Variants in VSTM1 observed in about 807,000 individuals in gnomAD.
VSTM1 encodes the protein V-set and transmembrane domain-containing protein 1.
VSTM1 carries 27 observed loss-of-function variants against 33.1 expected under a neutral mutation model. The ratio of observed to expected loss-of-function variants is 0.82; its 90% CI spans 0.60 to 1.12. The LOEUF is 1.12. VSTM1 is among the 50% of genes most tolerant of loss of function. The pLI is 0.00. For missense variants in VSTM1, 304 were observed against 288.9 expected (o/e 1.05, Z -0.38); for synonymous variants, 115 against 110.3 (o/e 1.04, Z -0.27).
At chr19:54,049,702 G>T (rs1366735291) in intron 4 of VSTM1, among the ~76,000 whole-genome samples, 1 of 152,044 alleles carries the variant, frequency 6.6e-6, no homozygotes, top group African/African-American at 2.4e-5. Context: ...TAGTGCTAGG[G>T]TAGCAGACAT....
intron 3 of VSTM1, among the ~76,000 whole-genome samples, chr19:54,057,793 A>G (rs1375235023): frequency 2.1e-5 from 3 of 145,366 alleles, no homozygotes; most frequent in African/African-American, 7.6e-5. Context: ...TGGGCAACAG[A>G]GCAAGACTCC....
rs796795588 is a variant in VSTM1 at position 54,056,222 on chromosome 19, T to C, written c.355+2084A>G. ...TTCTTTTCTTTTCTTTTCTTTTTTT[T>C]TTTTTTTTTTTTTTTTTGAGACAGG... On this transcript the variant is annotated intron_variant, in intron 3 of 8. Transcript: ENST00000338372. Among the ~76,000 whole-genome samples the C allele has an allele frequency of 7.0e-4, 49 of 69,808 alleles. 6 individuals carry two copies. The highest frequency in any genetic ancestry group is 1.9e-3 in the African/African-American group (44 of 23,004). The allele number at this position is 69,808 out of a possible 152,430, so 45.8% of individuals were successfully genotyped here. A position where few individuals can be genotyped will look rare whatever the true frequency, so the allele number is the denominator to read the frequency against.
chr19:54,060,464 C>G (rs1265586506), intron 1 of VSTM1, among the ~76,000 whole-genome samples: 1 of 152,086 alleles, frequency 6.6e-6, no homozygotes, highest in African/African-American at 2.4e-5. Flanking sequence ...CAGAACGTGA[C>G]CCCCCACCAA....
chr19:54,053,920 G>C (rs1276304263), intron 3 of VSTM1, among the ~76,000 whole-genome samples: 2 of 141,786 alleles, frequency 1.4e-5, no homozygotes, highest in Non-Finnish European at 3.1e-5. Context: ...CCAGAGACCT[G>C]GTCTGTCTCA....
chr19:54,047,765 A>G (rs2070666271), intron 4 of VSTM1, among the ~76,000 whole-genome samples: 3 of 152,210 alleles, frequency 2.0e-5, no homozygotes, highest in Admixed American at 2.0e-4. Flanking sequence ...TTCACTAGAA[A>G]TGAGAAGTAC....
chr19:54,058,340 T>C lies in VSTM1; in HGVS notation c.321A>G (p.Ser107=), dbSNP rs763855863. ...AYKTTASHEW[S]ESSEHLQLVV... ...CCAGCTGCAAGTGTTCACTGCTTTC[T>C]GACCACTCATGGGAGGCTGTTGTCT... The change falls in exon 3 of 9, where the codon TCA becomes TCG. Residue 107 remains serine (S), a synonymous_variant. Coordinates refer to ENST00000338372, the MANE Select transcript of VSTM1 (RefSeq NM_198481.4). The C allele has an allele frequency of 1.2e-6, 2 of 1,614,148 alleles. No individual in the cohort carries two copies. Among genetic ancestry groups the C allele is most frequent in the Non-Finnish European group, 1.7e-6 (2 of 1,180,028 alleles).
At chr19:54,041,650 C>T (rs555227714) in intron 8 of VSTM1, 129 bp downstream of exon 8, 14 of 1,076,328 alleles carry the variant, frequency 1.3e-5, no homozygotes, top group Admixed American at 2.7e-5. Flanking sequence ...AGGGGAGTTT[C>T]GTGACTTGTC....
intron 4 of VSTM1, 81 bp from the exon 5 acceptor site, chr19:54,042,450 G>T: frequency 6.6e-7 from 1 of 1,520,722 alleles, no homozygotes; most frequent in South Asian, 1.3e-5. Flanking sequence ...GCTAAGAGAA[G>T]CCAGACAGAT....
chr19:54,042,806 GTATATATATATATATATATATATATA>G, intron 4 of VSTM1, among the ~76,000 whole-genome samples: 1 of 57,938 alleles, frequency 1.7e-5, no homozygotes, highest in East Asian at 5.5e-4. Flanking sequence ...ATATAAATGT[GTATATATATATATATATATATATATA>G]TATATACATA....
chr19:54,051,528 T>A (rs551093023), intron 3 of VSTM1, 80 bp from the exon 4 acceptor site: 40 of 1,109,570 alleles, frequency 3.6e-5, no homozygotes, highest in Admixed American at 1.1e-4. Flanking sequence ...GTCCTACTTA[T>A]AGACATCCTG....
intron 1 of VSTM1, among the ~76,000 whole-genome samples, chr19:54,060,889 C>T (rs1457095356): frequency 3.9e-5 from 6 of 151,950 alleles, no homozygotes; most frequent in East Asian, 1.9e-4. Context: ...TGAGGACTCA[C>T]GATGTTGCCC....
rs190573299 is a variant in VSTM1, at chr19:54,050,486, G to A, written c.394+924C>T. Among the ~76,000 whole-genome samples, 101 of 152,086 alleles carry A rather than the reference G, an allele frequency of 6.6e-4. 2 individuals are homozygous for A. Among genetic ancestry groups the A allele is most frequent in the Middle Eastern group, 3.4e-3 (1 of 294 alleles). ...TAGGTCCTGGTCCTACTCCCCAAAT[G>A]GGTCACTGAAAAATTCACCCCCATT... On this transcript the variant is annotated intron_variant, in intron 4 of 8. Transcript: ENST00000338372.
At chr19:54,047,280 G>C (rs892285077) in intron 4 of VSTM1, among the ~76,000 whole-genome samples, 20 of 151,202 alleles carry the variant, frequency 1.3e-4, no homozygotes, top group Non-Finnish European at 2.9e-5. Context: ...AGCTGAATCA[G>C]AGAACCCCTC....
chr19:54,041,908 T>C lies in VSTM1; in HGVS notation c.553+8A>G, dbSNP rs761381967. On this transcript the variant is annotated splice_region_variant and intron_variant, in intron 7 of 8. Transcript: ENST00000338372. ...CGGTGATTCCCTTAAACTTCCCCTG[T>C]CCCTTACCGGCAGCCTCCTGCTCCG... 6.2e-7 allele frequency: 1 copy of C among 1,613,992 alleles called. No homozygotes were observed.
At chr19:54,041,875 T>C (rs1240549217) in intron 7 of VSTM1, 41 bp downstream of exon 7, 3 of 1,613,944 alleles carry the variant, frequency 1.9e-6, no homozygotes, top group Non-Finnish European at 2.5e-6. Context: ...GAACTTAGTC[T>C]TTCTATCCGG....
intron 3 of VSTM1, among the ~76,000 whole-genome samples, chr19:54,056,276 C>T (rs1486120986): frequency 1.8e-5 from 2 of 109,606 alleles, no homozygotes; most frequent in East Asian, 5.3e-4. Flanking sequence ...GGCTTGAGTG[C>T]AGTGGCACGA....
At chr19:54,060,976 C>A (rs966074046) in intron 1 of VSTM1, among the ~76,000 whole-genome samples, 5 of 151,018 alleles carry the variant, frequency 3.3e-5, no homozygotes, top group Non-Finnish European at 7.4e-5. Flanking sequence ...CAGGTGTGAG[C>A]TACCTGCACC....
intron 1 of VSTM1, among the ~76,000 whole-genome samples, chr19:54,059,748 A>G (rs879957708): frequency 1.3e-5 from 2 of 152,044 alleles, no homozygotes; most frequent in African/African-American, 2.4e-5. Context: ...CGCTGGGATT[A>G]CAGGCATGAG....
intron 4 of VSTM1, among the ~76,000 whole-genome samples, chr19:54,050,642 C>A (rs977557375): frequency 8.5e-5 from 13 of 152,094 alleles, no homozygotes; most frequent in African/African-American, 1.7e-4. Flanking sequence ...CTCCACCCCC[C>A]AAAACACAGC....
Sources: gnomAD v4.1 joint callset for allele counts (sites outside exome capture counted in the v4.1 genomes callset) on GRCh38, gnomAD v4.1.1 for gene constraint, MANE v1.5 for transcripts, NCBI Gene and HGNC (gene_info 2026-07-23, HGNC 2026-07-21) for gene names.